ESRRG: variants seen among roughly 807,000 people sequenced by gnomAD.
ESRRG encodes the protein estrogen-related receptor gamma.
Under a neutral mutation model 44.0 loss-of-function variants are expected in ESRRG, and 13 were observed. That is an observed-to-expected ratio of 0.30 (90% confidence interval 0.19 to 0.47). The LOEUF (loss-of-function observed/expected upper bound fraction) is 0.47, where lower values mean the gene tolerates loss of function less well. ESRRG is among the 20% of genes least tolerant of loss of function. ESRRG has a pLI of 1.00. For synonymous variants in ESRRG, 215 were observed against 214.6 expected, an observed-to-expected ratio of 1.00 and a Z score of -0.02; for missense variants, 395 against 580.6, an observed-to-expected ratio of 0.68 and a Z score of 3.29.
At chr1:216,662,851 T>C (rs2151259750) in intron 2 of ESRRG, among the ~76,000 whole-genome samples, 1 of 152,318 alleles carries the variant, frequency 6.6e-6, no homozygotes. Flanking sequence ...CCACAGACCA[T>C]ACTAGAATAG....
rs147646587 is a variant in ESRRG, at chr1:216,787,892, G to A, written c.-13-110401C>T. 3.2e-3 allele frequency among the ~76,000 whole-genome samples: 480 copies of A among 152,234 alleles called. 5 individuals carry two copies. Among genetic ancestry groups the A allele is most frequent in the South Asian group, 3.5e-3 (17 of 4,822 alleles). On this transcript the variant is annotated intron_variant, in intron 2 of 7. Transcript: ENST00000359162. ...TTGCTCACATGGAGAAAGTTTGAGT[G>A]CCTAGATAGAAGATCAAACCAGCCA...
At chr1:216,714,635 C>T (rs2152002268) in intron 1 of ESRRG, 1 of 769,580 alleles carries the variant, frequency 1.3e-6, no homozygotes, top group Non-Finnish European at 1.6e-6. Context: ...GTTTTGTTCA[C>T]TATAAGAAAA....
rs183654133 is a variant in ESRRG at position 216,515,650 on chromosome 1, A to G, written c.1132+3502T>C. ...TATTCTGGAAATAATGTGTAGAAGT[A>G]AAAAAGAAAACTTGACTTGAAAAAT... On this transcript the variant is annotated intron_variant, in intron 6 of 6. Transcript: ENST00000408911. Among the ~76,000 whole-genome samples, 129 of 152,240 alleles carry G rather than the reference A, an allele frequency of 8.5e-4. 1 individual carries two copies. Among genetic ancestry groups the G allele is most frequent in the African/African-American group, 2.8e-3 (118 of 41,536 alleles).
chr1:217,128,296 G>T (rs1200593678), intron 1 of ESRRG, among the ~76,000 whole-genome samples: 1 of 152,128 alleles, frequency 6.6e-6, no homozygotes, highest in Non-Finnish European at 1.5e-5. Context: ...AATAAGCAAA[G>T]CCTTTACATT....
intron 1 of ESRRG, among the ~76,000 whole-genome samples, chr1:217,046,814 T>A (rs2084961445): frequency 6.6e-6 from 1 of 152,146 alleles, no homozygotes; most frequent in South Asian, 2.1e-4. Context: ...GCCAAGGAAT[T>A]TTAGGCTGCA....
At chr1:216,622,244 T>A (rs1409849380) in intron 3 of ESRRG, among the ~76,000 whole-genome samples, 1 of 152,216 alleles carries the variant, frequency 6.6e-6, no homozygotes, top group Non-Finnish European at 1.5e-5. Context: ...AAGTCCTTTG[T>A]CTTGACCTCT....
intron 5 of ESRRG, among the ~76,000 whole-genome samples, chr1:216,527,370 G>C (rs528409250): frequency 6.6e-6 from 1 of 151,982 alleles, no homozygotes; most frequent in African/African-American, 2.4e-5. Context: ...CCTACCCAGG[G>C]CTAGTCAAGC....
At chr1:216,541,561 A>AGTGT (rs34245595) in intron 5 of ESRRG, among the ~76,000 whole-genome samples, 7,716 of 130,286 alleles carry the variant, frequency 0.059, 272 homozygotes, top group East Asian at 0.089. Flanking sequence ...TCTTTTGGTT[A>AGTGT]GTGTGTGTGT....
chr1:216,652,103 T>C (rs11572706), intron 2 of ESRRG, among the ~76,000 whole-genome samples: 30,702 of 152,102 alleles, frequency 0.2, 3,727 homozygotes, highest in South Asian at 0.36. Flanking sequence ...ATGCATTCTG[T>C]TTATTGCCCT....
chr1:216,812,178 AAG>A (rs2094992037), intron 2 of ESRRG, among the ~76,000 whole-genome samples: 2 of 152,328 alleles, frequency 1.3e-5, no homozygotes, highest in Admixed American at 6.5e-5. Context: ...AATTACGTTA[AAG>A]AGTCAAACAT....
intron 2 of ESRRG, among the ~76,000 whole-genome samples, chr1:216,885,363 G>A (rs1455951630): frequency 6.6e-6 from 1 of 152,138 alleles, no homozygotes; most frequent in East Asian, 1.9e-4. Context: ...AGAACAATGA[G>A]ATGGAGTTTC....
intron 1 of ESRRG, among the ~76,000 whole-genome samples, chr1:217,123,066 C>G (rs1310702195): frequency 6.6e-6 from 1 of 152,036 alleles, no homozygotes; most frequent in African/African-American, 2.4e-5. Flanking sequence ...CTATTTGATC[C>G]CAACTTGATG....
intron 1 of ESRRG, among the ~76,000 whole-genome samples, chr1:217,054,174 A>T (rs1385105475): frequency 6.6e-6 from 1 of 152,166 alleles, no homozygotes; most frequent in Admixed American, 6.6e-5. Context: ...CTAAGTTTGC[A>T]CTTAGCCATT....
intron 1 of ESRRG, among the ~76,000 whole-genome samples, chr1:217,067,209 A>G (rs2089870793): frequency 6.6e-6 from 1 of 152,230 alleles, no homozygotes; most frequent in African/African-American, 2.4e-5. Flanking sequence ...TTTACTGTGT[A>G]CTGTGTCTGT....
intron 2 of ESRRG, among the ~76,000 whole-genome samples, chr1:216,823,738 T>C (rs535962806): frequency 1.3e-5 from 2 of 152,196 alleles, no homozygotes; most frequent in Non-Finnish European, 2.9e-5. Context: ...CCATTTCTGA[T>C]AGGAATGCAA....
rs184685444 is a variant in ESRRG, at chr1:216,750,276, A to G, written c.-13-72785T>C. 1.5e-4 allele frequency among the ~76,000 whole-genome samples: 23 copies of G among 152,212 alleles called. No homozygotes were observed. In the East Asian group the frequency reaches 4.5e-3, roughly 30 times the overall value. On this transcript the variant is annotated intron_variant, in intron 2 of 7. Transcript: ENST00000359162. The stretch of plus-strand genomic sequence containing the variant: ...TCGGAGAGAACAAAATCACTCTTCT[A>G]CTTGTGGCTTGCCTTCCAGCTAGCC...
At chr1:216,832,538 G>A (rs1257397569) in intron 2 of ESRRG, among the ~76,000 whole-genome samples, 3 of 152,104 alleles carry the variant, frequency 2.0e-5, no homozygotes, top group South Asian at 2.1e-4. Context: ...AACTCTGAAC[G>A]AAACCCTGCA....
At chr1:216,761,206 C>T (rs1479957205) in intron 2 of ESRRG, among the ~76,000 whole-genome samples, 10 of 146,178 alleles carry the variant, frequency 6.8e-5, no homozygotes, top group Non-Finnish European at 1.2e-4. Context: ...GTGAGTTTTA[C>T]TACCTTATAC....
intron 1 of ESRRG, among the ~76,000 whole-genome samples, chr1:217,083,011 G>T: frequency 6.6e-6 from 1 of 152,006 alleles, no homozygotes; most frequent in East Asian, 1.9e-4. Flanking sequence ...ACCAACCATC[G>T]CAAGTCTAGA....
Sources: allele counts gnomAD v4.1 joint callset (sites outside exome capture counted in the v4.1 genomes callset), GRCh38; gene constraint gnomAD v4.1.1; transcripts MANE v1.5; gene names NCBI Gene and HGNC (gene_info 2026-07-23, HGNC 2026-07-21).